The following KALRN variants were observed in gnomAD, a reference collection of about 807,000 sequenced individuals.
KALRN encodes kalirin RhoGEF kinase.
In KALRN, 70 loss-of-function variants were observed where a neutral mutation model predicts 353.7. That is an observed-to-expected ratio of 0.20 (90% CI 0.16 to 0.24). The LOEUF is 0.24. Among genes scored for constraint, KALRN ranks in the 10% least tolerant of loss-of-function variants. The pLI, the probability that KALRN is intolerant of heterozygous loss-of-function variation, is 1.00. For missense variants in KALRN, 2,791 were observed against 3,756.7 expected (o/e 0.74, Z 6.72); for synonymous variants, 1,391 against 1,434.8 (o/e 0.97, Z 0.69).
chr3:124,165,261 T>C (rs2070649310), intron 1 of KALRN, among the ~76,000 whole-genome samples: 1 of 152,224 alleles, frequency 6.6e-6, no homozygotes, highest in Non-Finnish European at 1.5e-5. Context: ...TCTAAAATTT[T>C]TTAGGGCCCT....
At chr3:124,186,946 G>T (rs1276962112) in intron 1 of KALRN, among the ~76,000 whole-genome samples, 1 of 152,172 alleles carries the variant, frequency 6.6e-6, no homozygotes, top group East Asian at 1.9e-4. Flanking sequence ...GCTGAATTAT[G>T]CAGGTGATTT....
chr3:124,036,126 G>A (rs1423619656), intron 1 of KALRN, among the ~76,000 whole-genome samples: 1 of 152,128 alleles, frequency 6.6e-6, no homozygotes, highest in Non-Finnish European at 1.5e-5. Flanking sequence ...TAAACTGTGT[G>A]TCACAGGGGT....
chr3:124,589,706 T>C (rs1359826538), intron 34 of KALRN, among the ~76,000 whole-genome samples: 1 of 152,216 alleles, frequency 6.6e-6, no homozygotes, highest in African/African-American at 2.4e-5. Context: ...TGATGGAAAC[T>C]GAATTGATTA....
At chr3:124,491,023 A>G (rs2108435840) in intron 30 of KALRN, 139 bp downstream of exon 30, 2 of 761,498 alleles carry the variant, frequency 2.6e-6, no homozygotes, top group Non-Finnish European at 4.1e-6. Context: ...AATGTCTCCT[A>G]TTTGGAAAGC....
intron 10 of KALRN, among the ~76,000 whole-genome samples, chr3:124,363,113 T>A (rs188886583): frequency 6.8e-4 from 103 of 152,208 alleles, no homozygotes; most frequent in African/African-American, 1.2e-3. Context: ...AAATAAATTT[T>A]AAAAAAATTA....
At chr3:124,352,393 T>A (rs748513850) in intron 10 of KALRN, among the ~76,000 whole-genome samples, 1 of 152,188 alleles carries the variant, frequency 6.6e-6, no homozygotes, top group Non-Finnish European at 1.5e-5. Context: ...CTGTTAGTGT[T>A]CTGCTTTATG....
intron 23 of KALRN, 59 bp downstream of exon 23, chr3:124,456,787 G>A (rs964368517): frequency 1.6e-5 from 19 of 1,155,352 alleles, no homozygotes; most frequent in African/African-American, 1.5e-4. Context: ...GGCTTTCACC[G>A]CTACTTGTCC....
chr3:124,666,585 T>C lies in KALRN; in HGVS notation c.6482T>C (p.Leu2161Pro). 1 of 1,614,036 alleles carries C rather than the reference T, an allele frequency of 6.2e-7. No individual in the cohort carries two copies. The highest frequency in any genetic ancestry group is 8.5e-7 in the Non-Finnish European group (1 of 1,179,974). ...FEQIVIFSELLRKGSLTPGYM... is the reference protein window; with the variant it reads ...FEQIVIFSELPRKGSLTPGYM... The stretch of plus-strand genomic sequence containing the variant: ...CAGATTGTCATCTTCAGTGAACTGC[T>C]CAGGAAGGGATCCCTCACCCCTGGC... Residue 2161 changes from leucine (L) to proline (P), a missense_variant, in exon 46 of 60, where the codon CTC becomes CCC. Leu to Pro is a moderately conservative substitution (Grantham distance 98, BLOSUM62 -3). Transcript: ENST00000682506.
intron 15 of KALRN, among the ~76,000 whole-genome samples, chr3:124,426,768 G>A (rs2093040331): frequency 6.6e-6 from 1 of 152,184 alleles, no homozygotes; most frequent in African/African-American, 2.4e-5. Context: ...CCGAAAGAGT[G>A]CTCTGATAGC....
In KALRN at chr3:124,713,049, C is replaced by T. The variant is rs1415904260; in HGVS notation, c.8190C>T (p.Ala2730=). 7.4e-6 allele frequency: 12 copies of T among 1,614,110 alleles called. No individual in the cohort carries two copies. In the East Asian group the frequency reaches 8.9e-5, roughly 12 times the overall value. ...KKKEQAAHEA[A]LLQHLQHPQY... is the part of the protein sequence containing the mutation. ...AAGAACAGGCTGCCCACGAGGCTGCCCTGCTTCAGCACCTACAGCACCCCC... is the reference window on the plus strand; with the variant it reads ...AAGAACAGGCTGCCCACGAGGCTGCTCTGCTTCAGCACCTACAGCACCCCC... Residue 2730 remains alanine, a synonymous_variant, in exon 58 of 60, where the codon GCC becomes GCT. Coordinates refer to ENST00000682506, the MANE Select transcript of KALRN (RefSeq NM_001388419.1).
At chr3:124,718,612 G>A (rs748471793) in intron 59 of KALRN, among the ~76,000 whole-genome samples, 6 of 152,126 alleles carry the variant, frequency 3.9e-5, no homozygotes, top group Non-Finnish European at 4.4e-5. Context: ...TTCTCAAAAA[G>A]AAGCCCCTGT....
chr3:124,699,410 T>A (rs1209215676), intron 55 of KALRN, among the ~76,000 whole-genome samples: 1 of 152,270 alleles, frequency 6.6e-6, no homozygotes, highest in Non-Finnish European at 1.5e-5. Flanking sequence ...TAAATCTCAT[T>A]TAACTATGAG....
chr3:124,179,224 C>T (rs1274982377), intron 1 of KALRN, among the ~76,000 whole-genome samples: 1 of 152,106 alleles, frequency 6.6e-6, no homozygotes, highest in Non-Finnish European at 1.5e-5. Flanking sequence ...TATGGCTCTG[C>T]AAAAATATTT....
chr3:124,241,377 GA>G (rs1449400120), intron 3 of KALRN, among the ~76,000 whole-genome samples: 1 of 152,230 alleles, frequency 6.6e-6, no homozygotes, highest in East Asian at 1.9e-4. Context: ...AATTTAGAGT[GA>G]AAAAGAAGCT....
chr3:124,400,957 G>A (rs1397855500), intron 13 of KALRN, among the ~76,000 whole-genome samples: 2 of 152,132 alleles, frequency 1.3e-5, no homozygotes, highest in African/African-American at 4.8e-5. Context: ...AGATAGCTGT[G>A]ACCTGGAAGT....
chr3:124,405,597 C>A (rs1228253783), intron 13 of KALRN, among the ~76,000 whole-genome samples: 2 of 150,648 alleles, frequency 1.3e-5, no homozygotes, highest in Non-Finnish European at 2.9e-5. Flanking sequence ...TCCCTCCCAA[C>A]CCTGTTAATT....
chr3:124,353,793 T>C (rs938646210), intron 10 of KALRN, among the ~76,000 whole-genome samples: 1 of 151,730 alleles, frequency 6.6e-6, no homozygotes, highest in Non-Finnish European at 1.5e-5. Flanking sequence ...GCCAGGAAAA[T>C]GCAGAAAAAT....
At chr3:124,707,394 T>TTTCCTTCCTTCCTTCC (rs368400674) in intron 57 of KALRN, among the ~76,000 whole-genome samples, 150 of 140,802 alleles carry the variant, frequency 1.1e-3, no homozygotes, top group African/African-American at 2.8e-3. Flanking sequence ...AGAATAGCAG[T>TTTCCTTCCTTCCTTCC]TTCCTTCCTT....
At chr3:124,541,604 C>T (rs2069038025) in intron 33 of KALRN, among the ~76,000 whole-genome samples, 1 of 151,752 alleles carries the variant, frequency 6.6e-6, no homozygotes, top group Non-Finnish European at 1.5e-5. Context: ...TAACCTGGAT[C>T]GGCCGGGCAC....
Sources: gnomAD v4.1 joint callset for allele counts (sites outside exome capture counted in the v4.1 genomes callset) on GRCh38, gnomAD v4.1.1 for gene constraint, MANE v1.5 for transcripts, NCBI Gene and HGNC (gene_info 2026-07-23, HGNC 2026-07-21) for gene names.